Variants in RBMS3 observed in about 807,000 individuals in gnomAD.
RBMS3 encodes RNA-binding motif, single-stranded-interacting protein 3.
In RBMS3, 27 loss-of-function variants were observed where a neutral mutation model predicts 66.8. The ratio of observed to expected loss-of-function variants is 0.40; its 90% CI spans 0.30 to 0.56. The LOEUF is 0.56. Ranked by LOEUF, RBMS3 falls within the 20% of genes least tolerant of loss-of-function variation. The pLI, the probability that RBMS3 is intolerant of heterozygous loss-of-function variation, is 0.40. For synonymous variants in RBMS3, 188 were observed against 183.0 expected, an observed-to-expected ratio of 1.03 and a Z score of -0.22; for missense variants, 513 against 549.5, an observed-to-expected ratio of 0.93 and a Z score of 0.66.
At chr3:29,481,145 A>G (rs145907408) in intron 2 of RBMS3, among the ~76,000 whole-genome samples, 38 of 152,334 alleles carry the variant, frequency 2.5e-4, no homozygotes, top group African/African-American at 8.7e-4. Context: ...GTTTGTTGCA[A>G]TGACTAACAT....
intron 6 of RBMS3, among the ~76,000 whole-genome samples, chr3:29,830,142 CT>C (rs576052588): frequency 2.1e-4 from 31 of 148,032 alleles, no homozygotes; most frequent in Middle Eastern, 3.5e-3. Context: ...GGGAGGTAGT[CT>C]TTTTTTTTTG....
intron 3 of RBMS3, among the ~76,000 whole-genome samples, chr3:29,511,587 G>T (rs1292503375): frequency 6.6e-6 from 1 of 152,092 alleles, no homozygotes; most frequent in Non-Finnish European, 1.5e-5. Flanking sequence ...CACTGCCAAT[G>T]TCTGCTGTTG....
At chr3:29,958,305 G>A (rs1696181226) in intron 12 of RBMS3, among the ~76,000 whole-genome samples, 1 of 152,020 alleles carries the variant, frequency 6.6e-6, no homozygotes, top group Non-Finnish European at 1.5e-5. Flanking sequence ...TCTTTTGAAA[G>A]CCTTTCTTTT....
intron 4 of RBMS3, among the ~76,000 whole-genome samples, chr3:29,716,386 ATTAG>A (rs1390101671): frequency 2.0e-5 from 3 of 152,266 alleles, no homozygotes; most frequent in African/African-American, 4.8e-5. Flanking sequence ...CTGAATTGAT[ATTAG>A]TTATTTTGCT....
chr3:29,374,717 T>C (rs1031335546), intron 1 of RBMS3, among the ~76,000 whole-genome samples: 2 of 152,248 alleles, frequency 1.3e-5, no homozygotes, highest in Non-Finnish European at 2.9e-5. Flanking sequence ...TAAAATGGAT[T>C]CATTGGGATG....
chr3:29,542,642 T>A (rs1404799983), intron 3 of RBMS3, among the ~76,000 whole-genome samples: 1 of 152,226 alleles, frequency 6.6e-6, no homozygotes, highest in African/African-American at 2.4e-5. Context: ...ATTGCAGGTG[T>A]GAGCCACCAC....
At position 29,437,297 on chromosome 3, in the gene RBMS3, T is replaced by C. The variant is rs114193360; in HGVS notation, c.248+2382T>C. 9.5e-3 allele frequency among the ~76,000 whole-genome samples: 1,450 copies of C among 152,378 alleles called. 11 individuals are homozygous for C. Among genetic ancestry groups the C allele is most frequent in the Non-Finnish European group, 0.016 (1,108 of 68,036 alleles). On this transcript the variant is annotated intron_variant, in intron 2 of 14. Coordinates refer to ENST00000383767, the MANE Select transcript of RBMS3 (RefSeq NM_001003793.3). ...ACACCACTGATGTAGCATCATACTA[T>C]GAATTGCTGTGTCAATATCCATTTC...
intron 4 of RBMS3, among the ~76,000 whole-genome samples, chr3:29,646,498 GA>G (rs2049925584): frequency 6.6e-6 from 1 of 151,470 alleles, no homozygotes; most frequent in South Asian, 2.1e-4. Context: ...AAGGAACAGG[GA>G]AAATGGCCAC....
chr3:29,945,673 G>T (rs1359597022), intron 12 of RBMS3, among the ~76,000 whole-genome samples: 1 of 151,618 alleles, frequency 6.6e-6, no homozygotes, highest in Non-Finnish European at 1.5e-5. Flanking sequence ...CTTCAACTGG[G>T]TTTCCTGATT....
intron 6 of RBMS3, among the ~76,000 whole-genome samples, chr3:29,858,074 A>G (rs1027252537): frequency 2.0e-5 from 3 of 152,194 alleles, no homozygotes; most frequent in African/African-American, 7.2e-5. Flanking sequence ...TAAATAAACA[A>G]ATTGGTAGAT....
At chr3:29,469,854 CAT>C (rs1043839355) in intron 2 of RBMS3, among the ~76,000 whole-genome samples, 139 of 149,634 alleles carry the variant, frequency 9.3e-4, no homozygotes, top group African/African-American at 3.2e-3. Flanking sequence ...TAAATTCTGT[CAT>C]GTGTTAATTT....
chr3:29,777,475 T>C (rs2056467170), intron 6 of RBMS3, among the ~76,000 whole-genome samples: 1 of 151,584 alleles, frequency 6.6e-6, no homozygotes, highest in Admixed American at 6.6e-5. Flanking sequence ...TAAATGCTTA[T>C]AAAGTGAATG....
At chr3:29,801,224 G>A (rs1388246394) in intron 6 of RBMS3, among the ~76,000 whole-genome samples, 1 of 150,640 alleles carries the variant, frequency 6.6e-6, no homozygotes, top group Non-Finnish European at 1.5e-5. Flanking sequence ...CTCCATTGTG[G>A]TTTAACTATG....
intron 10 of RBMS3, among the ~76,000 whole-genome samples, chr3:29,907,981 C>A (rs1351205760): frequency 1.3e-5 from 2 of 152,028 alleles, no homozygotes; most frequent in Non-Finnish European, 2.9e-5. Context: ...GGTGTGGTGA[C>A]TCAAGCCTGT....
chr3:29,833,863 G>A (rs6805650), intron 6 of RBMS3, among the ~76,000 whole-genome samples: 3,281 of 152,066 alleles, frequency 0.022, 137 homozygotes, highest in African/African-American at 0.075. Context: ...CCCCAAAGAA[G>A]ACTCACTACG....
intron 6 of RBMS3, among the ~76,000 whole-genome samples, chr3:29,809,085 GT>G (rs1474562382): frequency 6.6e-6 from 1 of 151,636 alleles, no homozygotes; most frequent in African/African-American, 2.4e-5. Flanking sequence ...ACTGATTTGC[GT>G]TTATTTCATA....
At chr3:29,343,037 A>G (rs943295415) in intron 1 of RBMS3, among the ~76,000 whole-genome samples, 11 of 152,148 alleles carry the variant, frequency 7.2e-5, no homozygotes, top group Non-Finnish European at 1.2e-4. Flanking sequence ...TATAGTTGCT[A>G]TTCAGTAGGA....
At chr3:29,822,054 T>G (rs2058088884) in intron 6 of RBMS3, among the ~76,000 whole-genome samples, 1 of 152,208 alleles carries the variant, frequency 6.6e-6, no homozygotes, top group Non-Finnish European at 1.5e-5. Flanking sequence ...TATATGATTT[T>G]AATTTTTCAA....
chr3:29,429,971 A>G (rs1003700820), intron 1 of RBMS3, among the ~76,000 whole-genome samples: 5 of 151,528 alleles, frequency 3.3e-5, no homozygotes. Flanking sequence ...ATTTTTTAAG[A>G]TTCTGTAGTT....
Sources: allele counts gnomAD v4.1 joint callset (sites outside exome capture counted in the v4.1 genomes callset), GRCh38; gene constraint gnomAD v4.1.1; transcripts MANE v1.5; gene names NCBI Gene and HGNC (gene_info 2026-07-23, HGNC 2026-07-21).